The following ANKFN1 variants were observed in gnomAD, a reference collection of about 807,000 sequenced individuals.
The protein encoded by ANKFN1 is ankyrin repeat and fibronectin type-III domain-containing protein 1.
In ANKFN1, 74 loss-of-function variants were observed where a neutral mutation model predicts 108.7. The observed-to-expected ratio is 0.68, with a 90% confidence interval of 0.56 to 0.83. The LOEUF (loss-of-function observed/expected upper bound fraction) is 0.83. ANKFN1 is among the 40% of genes least tolerant of loss of function. ANKFN1 has a pLI of 0.00. For synonymous variants in ANKFN1, 547 were observed against 516.2 expected, an observed-to-expected ratio of 1.06 and a Z score of -0.81; for missense variants, 1,505 against 1,382.3, an observed-to-expected ratio of 1.09 and a Z score of -1.41.
At chr17:56,262,729 C>T (rs1284585538) in intron 3 of ANKFN1, among the ~76,000 whole-genome samples, 2 of 152,126 alleles carry the variant, frequency 1.3e-5, no homozygotes, top group African/African-American at 2.4e-5. Flanking sequence ...TGAAAATGTG[C>T]AAATGAGATA....
chr17:56,395,643 G>T (rs1188834575), intron 8 of ANKFN1, among the ~76,000 whole-genome samples: 1 of 152,168 alleles, frequency 6.6e-6, no homozygotes, highest in Non-Finnish European at 1.5e-5. Context: ...GAGGTCAAGA[G>T]TTCGAGACCA....
chr17:56,270,544 C>T lies in ANKFN1; in HGVS notation c.53+42587C>T, dbSNP rs529371488. Among the ~76,000 whole-genome samples, 9 of 152,300 alleles carry T rather than the reference C, an allele frequency of 5.9e-5. No individual in the cohort carries two copies. In the South Asian group the frequency reaches 8.3e-4, roughly 14 times the overall value. On this transcript the variant is annotated intron_variant, in intron 3 of 20. Transcript: ENST00000682825. ...AACCCCCTCCTAGTTGGTGGCTCTG[C>T]GTCCACTCTTGACTTCCTTCATCCC...
At chr17:56,413,949 A>G (rs1304073944) in intron 8 of ANKFN1, among the ~76,000 whole-genome samples, 4 of 152,158 alleles carry the variant, frequency 2.6e-5, no homozygotes, top group South Asian at 2.1e-4. Flanking sequence ...AAGTTCTGGG[A>G]TTACAGGCAT....
Position 56,326,349 on chromosome 17 carries a change from T to C in ANKFN1, c.182T>C (p.Ile61Thr), listed in dbSNP as rs376402247. 1.2e-6 allele frequency: 2 copies of C among 1,608,362 alleles called. No individual in the cohort carries two copies. Among genetic ancestry groups the C allele is most frequent in the Non-Finnish European group, 1.7e-6 (2 of 1,178,360 alleles). ...TGTTCCTCTGCTGCCTCGAACAGCA[T>C]AAACTGGTAAGTCAAATTTACTGTT... ...TTCSSAASNS[I>T]NWNCRVKMTQ... Residue 61 changes from isoleucine to threonine, a missense_variant, in exon 4 of 21, where the codon ATA (isoleucine) becomes ACA (threonine). Coordinates refer to ENST00000682825, the MANE Select transcript of ANKFN1 (RefSeq NM_001370326.1).
intron 1 of ANKFN1, among the ~76,000 whole-genome samples, chr17:56,188,181 G>T (rs975897107): frequency 1.3e-5 from 2 of 152,122 alleles, no homozygotes; most frequent in African/African-American, 4.8e-5. Flanking sequence ...CTTTGAGGTA[G>T]CTTTTTCTAT....
rs138216458 is a variant in ANKFN1 at position 56,442,921 on chromosome 17, G to T, written c.1087G>T (p.Ala363Ser). 954 of 1,613,646 alleles carry T rather than the reference G, an allele frequency of 5.9e-4. 3 individuals are homozygous for T. The highest frequency in any genetic ancestry group is 3.3e-3 in the Middle Eastern group (20 of 6,058). The stretch of plus-strand genomic sequence containing the variant: ...TGCTCAGACCACGACACCGGCATGT[G>T]CCTCTCCTTCTAGTAGGTGGTGGCT... Reference protein sequence around the residue: ...GPAQTTTPACASPSNWKDYDD... With the variant: ...GPAQTTTPACSSPSNWKDYDD... The change falls in exon 10 of 21, where the codon GCC (alanine) becomes TCC (serine). Residue 363 changes from alanine to serine, a missense_variant. Ala to Ser is a moderately conservative substitution (Grantham distance 99, BLOSUM62 1). Coordinates refer to ENST00000682825, the MANE Select transcript of ANKFN1 (RefSeq NM_001370326.1).
At chr17:56,058,604 A>G (rs553706033) in intron 4 of ANKFN1, among the ~76,000 whole-genome samples, 91 of 132,856 alleles carry the variant, frequency 6.8e-4, no homozygotes, top group Non-Finnish European at 8.5e-4. Flanking sequence ...ACCCCCCAAA[A>G]GGCCCTGCTG....
chr17:56,413,846 A>C (rs533153047), intron 8 of ANKFN1, among the ~76,000 whole-genome samples: 1 of 151,958 alleles, frequency 6.6e-6, no homozygotes, highest in South Asian at 2.1e-4. Context: ...CAGCCTCCCA[A>C]GTAGCTGGGA....
Position 56,227,925 on chromosome 17 carries a change from CTT to C in ANKFN1, c.23_24del (p.Phe8Ter), listed in dbSNP as rs1916408618. The C allele has an allele frequency of 5.6e-6, 9 of 1,606,302 alleles. No homozygotes were observed. The highest frequency in any genetic ancestry group is 5.9e-6 in the Non-Finnish European group (7 of 1,177,456). MNEKRLL[F>X]KDRHFTCSKI... ...TTCTTTCTTTGTTTCAGAGGCTACT[CTT>C]TAAAGACAGGCATTTTACTTGCAGC... On this transcript the variant is annotated frameshift_variant, in exon 3 of 21. Transcript: ENST00000682825. LOFTEE classifies it high-confidence loss of function.
chr17:56,346,610 C>T (rs1298471111), intron 4 of ANKFN1, among the ~76,000 whole-genome samples: 1 of 151,866 alleles, frequency 6.6e-6, no homozygotes, highest in East Asian at 1.9e-4. Flanking sequence ...TGCTGCAAGC[C>T]TTTGGTTAAT....
At chr17:56,326,453 A>G (rs1215112699) in intron 4 of ANKFN1, 98 bp downstream of exon 4, 21 of 1,435,992 alleles carry the variant, frequency 1.5e-5, no homozygotes, top group Non-Finnish European at 1.8e-5. Context: ...GGCTTAAATG[A>G]TACTTAAAAA....
At chr17:56,151,970 C>T (rs1908651330), upstream of ANKFN1, among the ~76,000 whole-genome samples, 2 of 134,262 alleles carry the variant, frequency 1.5e-5, no homozygotes, top group Non-Finnish European at 3.1e-5. Flanking sequence ...ATGTAACAAG[C>T]GTTTTACTAA....
chr17:56,401,184 G>C (rs1236199075), intron 8 of ANKFN1, among the ~76,000 whole-genome samples: 2 of 152,062 alleles, frequency 1.3e-5, no homozygotes, highest in East Asian at 3.9e-4. Flanking sequence ...TGGCAGTATG[G>C]TCATTTTCAC....
At chr17:56,500,178 T>C (rs968677713) in intron 20 of ANKFN1, among the ~76,000 whole-genome samples, 1 of 152,210 alleles carries the variant, frequency 6.6e-6, no homozygotes, top group Non-Finnish European at 1.5e-5. Context: ...ACTATATCAA[T>C]GATGCATGTC....
chr17:56,349,957 A>C (rs1036893358), intron 4 of ANKFN1, among the ~76,000 whole-genome samples: 4 of 152,108 alleles, frequency 2.6e-5, no homozygotes, highest in Admixed American at 6.6e-5. Context: ...AGGCAGCCAG[A>C]GTCTTGATAG....
intron 4 of ANKFN1, among the ~76,000 whole-genome samples, chr17:56,125,962 T>C (rs911646501): frequency 2.6e-5 from 4 of 152,156 alleles, no homozygotes; most frequent in Non-Finnish European, 5.9e-5. Flanking sequence ...ATGAAGACTA[T>C]GAGCCACAGA....
intron 9 of ANKFN1, among the ~76,000 whole-genome samples, chr17:56,441,758 A>G (rs1471975421): frequency 6.6e-6 from 1 of 152,234 alleles, no homozygotes; most frequent in African/African-American, 2.4e-5. Flanking sequence ...GTAATCATAT[A>G]AAAGCCTAGG....
intron 6 of ANKFN1, 80 bp from the exon 7 acceptor site, chr17:56,372,566 T>A: frequency 1.6e-6 from 2 of 1,219,810 alleles, no homozygotes; most frequent in Non-Finnish European, 1.1e-6. Context: ...CAAATCATAG[T>A]AAACTCTGGG....
chr17:56,464,123 A>G (rs564016572), intron 14 of ANKFN1, among the ~76,000 whole-genome samples: 15 of 152,196 alleles, frequency 9.9e-5, no homozygotes, highest in Non-Finnish European at 1.9e-4. Flanking sequence ...TTTTCACAAT[A>G]ATATTCTACT....
Sources: gnomAD v4.1 joint callset for allele counts (sites outside exome capture counted in the v4.1 genomes callset) on GRCh38, gnomAD v4.1.1 for gene constraint, MANE v1.5 for transcripts, NCBI Gene and HGNC (gene_info 2026-07-23, HGNC 2026-07-21) for gene names.